Variants in ZP3 observed in about 807,000 individuals in gnomAD.
The protein encoded by ZP3 is zona pellucida sperm-binding protein 3.
A neutral mutation model predicts 35.6 loss-of-function variants in ZP3; 21 were observed. The ratio of observed to expected loss-of-function variants is 0.59; its 90% CI spans 0.42 to 0.85. The LOEUF is 0.85. Among genes scored for constraint, ZP3 ranks in the 40% least tolerant of loss-of-function variants. The probability of loss-of-function intolerance (pLI) is 0.00; values close to 1 mark genes in which losing one functional copy is unlikely to be tolerated. For missense variants in ZP3, 437 were observed against 536.5 expected (o/e 0.81, Z 1.83); for synonymous variants, 207 against 214.5 (o/e 0.96, Z 0.31).
chr7:76,401,049 A>G (rs1476474460), intron 1 of ZP3: 1 of 1,545,960 alleles, frequency 6.5e-7, no homozygotes, highest in South Asian at 1.2e-5. Context: ...GCTGGCTGAA[A>G]CAGAGTGAGG....
At chr7:76,438,568 G>A (rs1194314298) in intron 5 of ZP3, among the ~76,000 whole-genome samples, 1 of 146,714 alleles carries the variant, frequency 6.8e-6, no homozygotes, top group East Asian at 2.0e-4. Flanking sequence ...GGGTAGCGGG[G>A]CAGTGCTTAC....
chr7:76,405,307 A>C (rs1402572108), intron 1 of ZP3, among the ~76,000 whole-genome samples: 1,147 of 46,080 alleles, frequency 0.025, 60 homozygotes, highest in African/African-American at 0.06. Context: ...ATATATATAT[A>C]TATATATATG....
At chr7:76,436,030 CTTTTTTTTTTT>C (rs60553917) in intron 5 of ZP3, among the ~76,000 whole-genome samples, 197 of 74,316 alleles carry the variant, frequency 2.7e-3, no homozygotes, top group Admixed American at 3.2e-3. Flanking sequence ...CCCCCGCCCC[CTTTTTTTTTTT>C]TTTTTTTTTT....
At chr7:76,423,724 T>C (rs1288843086), upstream of ZP3, among the ~76,000 whole-genome samples, 1 of 151,832 alleles carries the variant, frequency 6.6e-6, no homozygotes, top group East Asian at 1.9e-4. Flanking sequence ...GAGCTGGGCA[T>C]GGTGGAACAA....
At chr7:76,433,335 A>G in intron 3 of ZP3, 135 bp from the exon 4 acceptor site, 1 of 922,500 alleles carries the variant, frequency 1.1e-6, no homozygotes, top group Non-Finnish European at 1.6e-6. Flanking sequence ...TTCTATTTTT[A>G]GTAGAGATGG....
At chr7:76,401,537 C>T (rs1804829236) in intron 1 of ZP3, among the ~76,000 whole-genome samples, 2 of 152,170 alleles carry the variant, frequency 1.3e-5, no homozygotes, top group African/African-American at 2.4e-5. Context: ...CTGCCTCAGC[C>T]TCCCGAGTAG....
intron 1 of ZP3, among the ~76,000 whole-genome samples, chr7:76,410,528 AT>A (rs1447736883): frequency 1.3e-5 from 2 of 150,444 alleles, no homozygotes; most frequent in East Asian, 4.0e-4. Flanking sequence ...AAAAAAAAAA[AT>A]GTTGAGAAGC....
rs774637728 is a variant in ZP3, at chr7:76,404,607, C to CA, written c.-67+6811dup. ...AGGGGTTTGAGATCAGCCTGGGCAA[C>CA]ATAGTGAGACCCCCATCTCTACAAA... On this transcript the variant is annotated intron_variant, in intron 1 of 8. Coordinates refer to the ZP3 transcript ENST00000336517. 5 of 892,382 alleles carry CA rather than the reference C, an allele frequency of 5.6e-6. No individual in the cohort carries two copies. In the Admixed American group the frequency reaches 7.2e-5, roughly 13 times the overall value. The allele number at this position is 892,382 out of a possible 1,614,324, so 55.3% of individuals were successfully genotyped here. A position where few individuals can be genotyped will look rare whatever the true frequency, so the allele number is the denominator to read the frequency against.
At chr7:76,415,737 C>A (rs1417000283) in intron 1 of ZP3, among the ~76,000 whole-genome samples, 2 of 151,460 alleles carry the variant, frequency 1.3e-5, no homozygotes, top group Admixed American at 1.3e-4. Flanking sequence ...CCTCGTGATC[C>A]ACCCGCCTCG....
chr7:76,414,239 C>T (rs373101828), intron 1 of ZP3, among the ~76,000 whole-genome samples: 4 of 151,996 alleles, frequency 2.6e-5, no homozygotes, highest in South Asian at 2.1e-4. Flanking sequence ...TCAAGCGGTC[C>T]GCCTGCCTTA....
At chr7:76,438,539 A>G (rs1407618540) in intron 5 of ZP3, among the ~76,000 whole-genome samples, 372 of 36,144 alleles carry the variant, frequency 0.01, no homozygotes, top group African/African-American at 0.032. Flanking sequence ...TCCGTCTCAG[A>G]AAAAAAAAAA....
At chr7:76,421,375 T>C (rs1163358898), upstream of ZP3, among the ~76,000 whole-genome samples, 1 of 151,942 alleles carries the variant, frequency 6.6e-6, no homozygotes, top group African/African-American at 2.4e-5. Context: ...GGACTACAGC[T>C]TCCCAAGTAG....
chr7:76,419,761 TC>T (rs1471123985), intron 1 of ZP3, among the ~76,000 whole-genome samples: 1 of 146,466 alleles, frequency 6.8e-6, no homozygotes, highest in Non-Finnish European at 1.5e-5. Context: ...CTTTCTTTTT[TC>T]CCCCTCCCCT....
chr7:76,412,964 TC>T (rs202238946), intron 1 of ZP3, among the ~76,000 whole-genome samples: 3,187 of 118,134 alleles, frequency 0.027, 170 homozygotes, highest in African/African-American at 0.11. Flanking sequence ...TTCTTCTTCT[TC>T]TTTTTTTTTT....
At chr7:76,418,274 C>T (rs1040308141) in intron 1 of ZP3, among the ~76,000 whole-genome samples, 3 of 151,910 alleles carry the variant, frequency 2.0e-5, no homozygotes, top group African/African-American at 7.3e-5. Context: ...CTGAGTGAGT[C>T]CATAAAGTCC....
intron 5 of ZP3, among the ~76,000 whole-genome samples, chr7:76,438,564 C>T (rs1638139): frequency 4.6e-5 from 6 of 131,078 alleles, no homozygotes; most frequent in Non-Finnish European, 3.1e-5. Context: ...AAAAGGGTAG[C>T]GGGGCAGTGC....
At chr7:76,433,801 T>C (rs1201942936) in intron 4 of ZP3, among the ~76,000 whole-genome samples, 154 bp downstream of exon 4, 2 of 151,874 alleles carry the variant, frequency 1.3e-5, no homozygotes, top group African/African-American at 2.4e-5. Context: ...CAGGTTTAAG[T>C]GATTCTCCTG....
chr7:76,400,779 A>T (rs1419049289), intron 1 of ZP3, among the ~76,000 whole-genome samples: 1 of 152,198 alleles, frequency 6.6e-6, no homozygotes, highest in Non-Finnish European at 1.5e-5. Context: ...AAGCGCTAGG[A>T]TCACAGACGT....
At chr7:76,403,744 C>T (rs1486322752) in intron 1 of ZP3, among the ~76,000 whole-genome samples, 1 of 151,908 alleles carries the variant, frequency 6.6e-6, no homozygotes, top group Non-Finnish European at 1.5e-5. Context: ...TCACTGCAAC[C>T]TCCACTTCCC....
Sources: allele counts gnomAD v4.1 joint callset (sites outside exome capture counted in the v4.1 genomes callset), GRCh38; gene constraint gnomAD v4.1.1; transcripts MANE v1.5; gene names NCBI Gene and HGNC (gene_info 2026-07-23, HGNC 2026-07-21).